The following ZNF608 variants were observed in gnomAD, a reference collection of about 807,000 sequenced individuals.
The protein encoded by ZNF608 is renal carcinoma antigen NY-REN-36.
In ZNF608, 12 loss-of-function variants were observed where a neutral mutation model predicts 109.0. The ratio of observed to expected loss-of-function variants is 0.11; its 90% CI spans 0.07 to 0.18. The LOEUF (loss-of-function observed/expected upper bound fraction) is 0.18. Among genes scored for constraint, ZNF608 ranks in the 10% least tolerant of loss-of-function variants. The pLI, the probability that ZNF608 is intolerant of heterozygous loss-of-function variation, is 1.00. For synonymous variants in ZNF608, 732 were observed against 717.4 expected (o/e 1.02, Z -0.33); for missense variants, 1,707 against 1,879.3 (o/e 0.91, Z 1.70).
rs146770256 is a variant in ZNF608, at chr5:124,680,913, T to C, written c.1162+20101A>G. Reference sequence around the variant, plus strand: ...CATGAGGGAAATGAAAAAGCAAAGATAAATTTGAAAAACTCTCCAGGCAGA... The same window carrying C: ...CATGAGGGAAATGAAAAAGCAAAGACAAATTTGAAAAACTCTCCAGGCAGA... On this transcript the variant is annotated intron_variant, in intron 3 of 9. Coordinates refer to ENST00000513986, the MANE Select transcript of ZNF608 (RefSeq NM_020747.3). 1.1e-4 allele frequency among the ~76,000 whole-genome samples: 17 copies of C among 152,014 alleles called. No homozygotes were observed. The East Asian group carries it at 3.3e-3, about 29-fold the overall frequency.
chr5:124,745,729 T>G lies in ZNF608; in HGVS notation c.-184+466A>C, dbSNP rs376988115. Among the ~76,000 whole-genome samples, 29 of 152,296 alleles carry G rather than the reference T, an allele frequency of 1.9e-4. No homozygotes were observed. In the South Asian group the frequency reaches 2.5e-3, roughly 13 times the overall value. ...TTTTACAAATTGTCTGGGCAATCTGTTTTTTGTTCCTAGTAAGGAACAGAA... is the reference window on the plus strand; with the variant it reads ...TTTTACAAATTGTCTGGGCAATCTGGTTTTTGTTCCTAGTAAGGAACAGAA... On this transcript the variant is annotated intron_variant, in intron 1 of 9. Coordinates refer to ENST00000513986, the MANE Select transcript of ZNF608 (RefSeq NM_020747.3).
Position 124,648,911 on chromosome 5 carries a change from T to C in ZNF608, c.1473A>G (p.Lys491=), listed in dbSNP as rs983561316. 6.2e-7 allele frequency: 1 copy of C among 1,614,096 alleles called. No homozygotes were observed. Among genetic ancestry groups the C allele is most frequent in the East Asian group, 2.2e-5 (1 of 44,876 alleles). The change falls in exon 5 of 10, where the codon AAA becomes AAG. Residue 491 remains lysine (K), a synonymous_variant. Transcript: ENST00000513986. The part of the protein sequence containing the change: ...TPPNCAAEDI[K]ASPSSTNKRK... Reference sequence around the variant, plus strand: ...TTTTGTTGGTGGAGGAAGGGCTGGCTTTGATATCCTCAGCAGCACAATTTG... The same window carrying C: ...TTTTGTTGGTGGAGGAAGGGCTGGCCTTGATATCCTCAGCAGCACAATTTG...
chr5:124,674,309 G>C (rs1751848039), intron 3 of ZNF608, among the ~76,000 whole-genome samples: 1 of 152,164 alleles, frequency 6.6e-6, no homozygotes, highest in East Asian at 1.9e-4. Context: ...GAATCAACTG[G>C]GTGGTCTTTT....
At chr5:124,707,350 G>A (rs1580667393) in intron 2 of ZNF608, among the ~76,000 whole-genome samples, 1 of 152,314 alleles carries the variant, frequency 6.6e-6, no homozygotes, top group Middle Eastern at 3.4e-3. Context: ...AGAAGGCAGA[G>A]AGATTCCCTC....
chr5:124,701,922 CTT>C (rs1321655120), intron 2 of ZNF608, among the ~76,000 whole-genome samples: 2 of 152,112 alleles, frequency 1.3e-5, no homozygotes, highest in African/African-American at 4.8e-5. Flanking sequence ...ATCAACATAA[CTT>C]GAGTTTTTCC....
At chr5:124,735,731 G>C (rs947151601) in intron 2 of ZNF608, among the ~76,000 whole-genome samples, 5 of 152,218 alleles carry the variant, frequency 3.3e-5, no homozygotes, top group Admixed American at 3.3e-4. Context: ...AAAGATTTGG[G>C]CAGGGAATGT....
At chr5:124,699,114 T>A (rs1016575917) in intron 3 of ZNF608, among the ~76,000 whole-genome samples, 3 of 152,252 alleles carry the variant, frequency 2.0e-5, no homozygotes, top group African/African-American at 7.2e-5. Context: ...TCCAAATATT[T>A]TTCTGTTCCT....
Position 124,643,595 on chromosome 5 carries a change from G to A in ZNF608, c.4212C>T (p.Ser1404=), listed in dbSNP as rs562678672. 1.4e-4 allele frequency: 219 copies of A among 1,614,154 alleles called. No homozygotes were observed. Among genetic ancestry groups the A allele is most frequent in the Non-Finnish European group, 1.2e-4 (141 of 1,180,000 alleles). The change falls in exon 7 of 10, where the codon AGC becomes AGT. Residue 1404 remains serine (S), a synonymous_variant. Coordinates refer to ENST00000513986, the MANE Select transcript of ZNF608 (RefSeq NM_020747.3). ...ATTCAGTGGTTGTTTTCGTGTTGAC[G>A]CTAGGGCTGGTATTGACTTTCTCTG... The part of the protein sequence containing the change: ...EETEKVNTSP[S]VNTKTTTESK...
intron 2 of ZNF608, among the ~76,000 whole-genome samples, chr5:124,712,208 G>C (rs1010842305): frequency 1.3e-5 from 2 of 152,076 alleles, no homozygotes; most frequent in East Asian, 3.9e-4. Flanking sequence ...TGGTGGGGTG[G>C]GGGGATAGGG....
At chr5:124,729,943 T>C (rs894237784) in intron 2 of ZNF608, among the ~76,000 whole-genome samples, 1 of 152,244 alleles carries the variant, frequency 6.6e-6, no homozygotes, top group African/African-American at 2.4e-5. Flanking sequence ...TCTCCAATTA[T>C]GCACGCACAT....
chr5:124,728,700 A>G (rs1334316133), intron 2 of ZNF608, among the ~76,000 whole-genome samples: 1 of 152,152 alleles, frequency 6.6e-6, no homozygotes, highest in Admixed American at 6.5e-5. Context: ...CTCATTCTCT[A>G]TAGTTCCTGA....
intron 2 of ZNF608, among the ~76,000 whole-genome samples, chr5:124,702,518 GAAAC>G (rs1264824120): frequency 2.0e-5 from 3 of 147,908 alleles, no homozygotes; most frequent in Non-Finnish European, 4.5e-5. Flanking sequence ...TTTTTGAAAA[GAAAC>G]AAAACAAAAA....
chr5:124,661,089 T>C (rs1329558948), intron 3 of ZNF608, among the ~76,000 whole-genome samples: 1 of 152,172 alleles, frequency 6.6e-6, no homozygotes, highest in East Asian at 1.9e-4. Context: ...TGATATAAAA[T>C]TTATCTTTCC....
rs888219447 is a variant in ZNF608 at position 124,723,440 on chromosome 5, C to A, written c.906+20644G>T. 7.9e-5 allele frequency among the ~76,000 whole-genome samples: 12 copies of A among 152,288 alleles called. No homozygotes were observed. In the South Asian group the frequency reaches 2.5e-3, roughly 32 times the overall value. On this transcript the variant is annotated intron_variant, in intron 2 of 9. Transcript: ENST00000513986. ...CAGTGGCTCACCCCTGTAATCCCAG[C>A]ACTTTGGGAGGCCAAGGTGGGTGGA...
In ZNF608 at chr5:124,744,436, C is replaced by G. The variant is rs150427032; in HGVS notation, c.554G>C (p.Gly185Ala). ...ACCTGGCTTCTCCTCTTTGCTTTTC[C>G]CACAGGAGCCTGCCCCCGCGGTGGC... The part of the protein sequence containing the change: ...SAATAGAGSC[G>A]KSKEEKPGKS... The change falls in exon 2 of 10, where the codon GGG becomes GCG. Residue 185 changes from glycine to alanine, a missense_variant. By Grantham distance (60) the Gly-to-Ala change is moderately conservative. Transcript: ENST00000513986. The surrounding 1 kb of genome is among the most constrained non-coding windows in gnomAD (Gnocchi z 4.5). The G allele has an allele frequency of 2.5e-6, 4 of 1,614,118 alleles. No individual in the cohort carries two copies. Among genetic ancestry groups the G allele is most frequent in the Non-Finnish European group, 3.4e-6 (4 of 1,180,048 alleles).
intron 8 of ZNF608, among the ~76,000 whole-genome samples, chr5:124,640,510 T>C (rs1750190549): frequency 1.3e-5 from 2 of 152,230 alleles, no homozygotes; most frequent in Admixed American, 1.3e-4. Context: ...ACGCTGGCTG[T>C]ACTGGCACCC....
At chr5:124,726,662 TAAAAAAAAA>T (rs142658513) in intron 2 of ZNF608, among the ~76,000 whole-genome samples, 2 of 135,572 alleles carry the variant, frequency 1.5e-5, no homozygotes, top group Non-Finnish European at 3.1e-5. Context: ...AAGATTTGTT[TAAAAAAAAA>T]AAAAAAAAAA....
intron 3 of ZNF608, among the ~76,000 whole-genome samples, chr5:124,667,193 C>T (rs1185373974): frequency 6.6e-6 from 1 of 152,190 alleles, no homozygotes; most frequent in Non-Finnish European, 1.5e-5. Flanking sequence ...CAACCCCAGT[C>T]ATTACATTAA....
intron 2 of ZNF608, among the ~76,000 whole-genome samples, chr5:124,734,162 T>G (rs1223815826): frequency 2.0e-5 from 3 of 152,202 alleles, no homozygotes; most frequent in African/African-American, 7.2e-5. Flanking sequence ...GATATCAATC[T>G]GCCAAGATGC....
Sources: gnomAD v4.1 joint callset for allele counts (sites outside exome capture counted in the v4.1 genomes callset) on GRCh38, gnomAD v4.1.1 for gene constraint, Gnocchi (gnomAD v3.1) non-coding constraint, MANE v1.5 for transcripts, NCBI Gene and HGNC (gene_info 2026-07-23, HGNC 2026-07-21) for gene names.